Variants in HR observed in about 807,000 individuals in gnomAD.
The protein encoded by HR is lysine-specific demethylase hairless.
HR carries 83 observed loss-of-function variants against 128.6 expected under a neutral mutation model. The observed-to-expected ratio is 0.65, with a 90% CI of 0.54 to 0.77. HR has a LOEUF of 0.77. HR is among the 30% of genes least tolerant of loss of function. The pLI, the probability that HR is intolerant of heterozygous loss-of-function variation, is 0.00. For missense variants in HR, 1,490 were observed against 1,574.6 expected (o/e 0.95, Z 0.91); for synonymous variants, 681 against 658.2 (o/e 1.03, Z -0.53).
intron 6 of HR, 32 bp downstream of exon 6, chr8:22,123,617 T>TTGGGGCCCCCCCC: frequency 2.4e-5 from 7 of 292,090 alleles, no homozygotes; most frequent in Non-Finnish European, 3.7e-5. Context: ...GAGGGCTCCA[T>TTGGGGCCCCCCCC]CCCGCCCTCC....
rs1826561830 is a variant in HR, at chr8:22,115,458, A to G, written c.*242T>C. 1 of 601,308 alleles carries G rather than the reference A, an allele frequency of 1.7e-6. No individual in the cohort carries two copies. The highest frequency in any genetic ancestry group is 2.7e-5 in the Admixed American group (1 of 37,086). 37.2% of individuals were successfully genotyped at this position (601,308 alleles called of 1,614,324 possible). ...TTGCCCCCAGTGCGGGCCTGGTACC[A>G]TGAAAAGGGGCACAGGGTGGGGGAG... On this transcript the variant is annotated 3_prime_UTR_variant, in exon 19 of 19. Transcript: ENST00000381418.
rs1563176836 is a variant in HR at position 22,120,962 on chromosome 8, CAG to C, written c.2368-6_2368-5del. 1.2e-6 allele frequency: 2 copies of C among 1,601,066 alleles called. No individual in the cohort carries two copies. The highest frequency in any genetic ancestry group is 3.5e-5 in the Admixed American group (2 of 57,150). ...GGATGTTGGTGATGCGGTCATCCTG[CAG>C]AGAGGGGCACAGGGGCTTAGGACCC... On this transcript the variant is annotated splice_region_variant and splice_polypyrimidine_tract_variant and intron_variant, in intron 10 of 18. Transcript: ENST00000381418.
chr8:22,118,920 G>C (rs757180563), intron 16 of HR, 30 bp downstream of exon 16: 1 of 1,578,790 alleles, frequency 6.3e-7, no homozygotes, highest in East Asian at 2.2e-5. Context: ...TGGGCGGGGG[G>C]AAGGGGAGGG....
rs139027208 is a variant in HR, at chr8:22,121,214, C to A, written c.2218G>T (p.Ala740Ser). The A allele has an allele frequency of 1.9e-6, 3 of 1,613,762 alleles. No individual in the cohort carries two copies. The highest frequency in any genetic ancestry group is 2.5e-6 in the Non-Finnish European group (3 of 1,179,976). The change falls in exon 10 of 19, where the codon GCT becomes TCT. Residue 740 changes from alanine (A) to serine (S), a missense_variant. By Grantham distance (99) the Ala-to-Ser change is moderately conservative. Coordinates refer to ENST00000381418, the MANE Select transcript of HR (RefSeq NM_005144.5). ...KSIKEETPDS[A>S]ETPAEDRAGR... ...GCACGGTCCTCTGCTGGGGTCTCAG[C>A]GGAATCGGGGGTCTCTGTCAGGGAG...
intron 5 of HR, 80 bp from the exon 6 acceptor site, chr8:22,123,893 G>A: frequency 6.7e-7 from 1 of 1,484,682 alleles, no homozygotes; most frequent in Non-Finnish European, 9.1e-7. Flanking sequence ...AAGGATCCAA[G>A]GAGGGGCAGG....
Position 22,121,150 on chromosome 8 carries a change from A to G in HR, c.2282T>C (p.Leu761Pro). ...GAGTTTGACCGCGGTAGAAGCCAGC[A>G]GTTCGCAGAGAGAAGGACAAGGCAG... ...GPLPCPSLCE[L>P]LASTAVKLCL... The change falls in exon 10 of 19, where the codon CTG (leucine) becomes CCG (proline). Residue 761 changes from leucine to proline, a missense_variant. Transcript: ENST00000381418. The G allele has an allele frequency of 6.2e-7, 1 of 1,613,982 alleles. No individual in the cohort carries two copies. The highest frequency in any genetic ancestry group is 8.5e-7 in the Non-Finnish European group (1 of 1,180,040).
Position 22,120,857 on chromosome 8 carries a change from A to T in HR, c.2469T>A (p.Gly823=). 6.4e-7 allele frequency: 1 copy of T among 1,551,672 alleles called. No individual in the cohort carries two copies. Among genetic ancestry groups the T allele is most frequent in the Non-Finnish European group, 8.7e-7 (1 of 1,147,688 alleles). ...ALGPGLRAGP[G]LRKGLGLPLS... is the part of the protein sequence containing the mutation. The stretch of plus-strand genomic sequence containing the variant: ...GGGGCAGGCCCAGGCCCTTGCGCAG[A>T]CCCGGGCCAGCTCGAAGCCCCGGCC... Residue 823 remains glycine (G), a synonymous_variant, in exon 11 of 19, where the codon GGT becomes GGA. Coordinates refer to ENST00000381418, the MANE Select transcript of HR (RefSeq NM_005144.5).
intron 1 of HR, among the ~76,000 whole-genome samples, chr8:22,129,675 A>G (rs916398800): frequency 5.3e-5 from 8 of 152,174 alleles, no homozygotes; most frequent in Admixed American, 5.2e-4. Context: ...CCATCCTGCA[A>G]TCCGTGGTTT....
chr8:22,117,959 G>C (rs1324732712), intron 16 of HR: 1 of 152,284 alleles, frequency 6.6e-6, no homozygotes, highest in Non-Finnish European at 1.5e-5. Context: ...GGCCACCCAG[G>C]GAGACTGTGC....
Position 22,115,737 on chromosome 8 carries a change from A to G in HR, c.3533T>C (p.Val1178Ala). 1 of 1,613,790 alleles carries G rather than the reference A, an allele frequency of 6.2e-7. No individual in the cohort carries two copies. The highest frequency in any genetic ancestry group is 8.5e-7 in the Non-Finnish European group (1 of 1,179,962). ...AQMDWAVFQA[V>A]KVAVGTLQEA... The stretch of plus-strand genomic sequence containing the variant: ...CTGTAATGTCCCCACGGCCACCTTC[A>G]CTGCTTGGAACACAGCCCAGTCCAT... Residue 1178 changes from valine to alanine, a missense_variant, in exon 19 of 19, where the codon GTG becomes GCG. Physicochemically the swap from Val to Ala is moderately conservative, Grantham distance 64 (BLOSUM62 0). Around this residue, in one of 3 missense-constraint regions of HR, gnomAD observed 423 missense variants for 495.9 expected, o/e 0.85. Coordinates refer to ENST00000381418, the MANE Select transcript of HR (RefSeq NM_005144.5).
intron 1 of HR, among the ~76,000 whole-genome samples, chr8:22,129,494 G>C (rs530036711): frequency 5.1e-4 from 77 of 152,370 alleles, no homozygotes; most frequent in African/African-American, 1.8e-3. Context: ...ACCAAGCTAG[G>C]AATCTGCTCA....
intron 1 of HR, 108 bp from the exon 2 acceptor site, chr8:22,129,318 A>C: frequency 1.1e-6 from 1 of 871,020 alleles, no homozygotes; most frequent in Non-Finnish European, 1.7e-6. Context: ...AGCTCAAACC[A>C]GTAAGGCAAG....
intron 9 of HR, 94 bp from the exon 10 acceptor site, chr8:22,121,322 G>A: frequency 6.7e-7 from 1 of 1,498,160 alleles, no homozygotes; most frequent in Non-Finnish European, 9.1e-7. Context: ...CTCTCTTCCT[G>A]GCTGAGCCCA....
At chr8:22,119,999 A>C in intron 13 of HR, 105 bp downstream of exon 13, 1 of 1,587,244 alleles carries the variant, frequency 6.3e-7, no homozygotes, top group South Asian at 1.1e-5. Context: ...TGAGAGTACC[A>C]GGGACCACGG....
At chr8:22,129,720 C>T (rs1434609563) in intron 1 of HR, among the ~76,000 whole-genome samples, 1 of 152,172 alleles carries the variant, frequency 6.6e-6, no homozygotes, top group Non-Finnish European at 1.5e-5. Flanking sequence ...AGCCTACAGC[C>T]CCAGCCAGGC....
At chr8:22,124,970 C>T (rs958138263) in intron 5 of HR, among the ~76,000 whole-genome samples, 10 of 152,260 alleles carry the variant, frequency 6.6e-5, no homozygotes, top group East Asian at 5.8e-4. Context: ...TGCGGAAGGG[C>T]GACCGAAGGG....
intron 3 of HR, among the ~76,000 whole-genome samples, 159 bp from the exon 4 acceptor site, chr8:22,125,891 A>G (rs948194873): frequency 4.6e-5 from 7 of 152,230 alleles, no homozygotes; most frequent in Non-Finnish European, 8.8e-5. Context: ...TGGACCAGGC[A>G]GCTGGAAGGC....
Position 22,121,093 on chromosome 8 carries a change from A to G in HR, c.2339T>C (p.Phe780Ser). The change falls in exon 10 of 19, where the codon TTC becomes TCC. Residue 780 changes from phenylalanine to serine, a missense_variant. Phe to Ser is a radical substitution (Grantham distance 155, BLOSUM62 -2). Transcript: ENST00000381418. The part of the protein sequence containing the change: ...CLGHERIHMA[F>S]APVTPALPSD... The stretch of plus-strand genomic sequence containing the variant: ...GGGCAGGGCCGGAGTGACGGGGGCG[A>G]AGGCCATGTGTATTCGCTCATGGCC... 1 of 1,613,772 alleles carries G rather than the reference A, an allele frequency of 6.2e-7. No individual in the cohort carries two copies. Among genetic ancestry groups the G allele is most frequent in the African/African-American group, 1.3e-5 (1 of 75,074 alleles).
In HR at chr8:22,120,731, G is replaced by C; in HGVS notation, c.2595C>G (p.His865Gln). 6.6e-7 allele frequency: 1 copy of C among 1,504,838 alleles called. No individual in the cohort carries two copies. Among genetic ancestry groups the C allele is most frequent in the Non-Finnish European group, 8.9e-7 (1 of 1,127,812 alleles). The allele number at this position is 1,504,838 out of a possible 1,614,324, so 93.2% of individuals were successfully genotyped here. ...PRRGFHLFQE[H>Q]WRQGQPVLVS... is the part of the protein sequence containing the mutation. Reference sequence around the variant, plus strand: ...GGTGCCTCACCTGGCCCTGCCTCCAGTGCTCCTGGAAGAGGTGGAAGCCAC... The same window carrying C: ...GGTGCCTCACCTGGCCCTGCCTCCACTGCTCCTGGAAGAGGTGGAAGCCAC... Residue 865 changes from histidine (H) to glutamine (Q), a missense_variant, in exon 11 of 19, where the codon CAC (histidine) becomes CAG (glutamine). By Grantham distance (24) the His-to-Gln change is conservative (BLOSUM62 0). Coordinates refer to ENST00000381418, the MANE Select transcript of HR (RefSeq NM_005144.5).
Sources: gnomAD v4.1 joint callset for allele counts (sites outside exome capture counted in the v4.1 genomes callset) on GRCh38, gnomAD v4.1.1 for gene constraint, gnomAD v4.1.1 regional missense constraint, MANE v1.5 for transcripts, NCBI Gene and HGNC (gene_info 2026-07-23, HGNC 2026-07-21) for gene names.